TENT4A: variants seen among roughly 807,000 people sequenced by gnomAD.
TENT4A encodes DNA polymerase kappa.
A neutral mutation model predicts 72.8 loss-of-function variants in TENT4A; 7 were observed. The observed-to-expected ratio is 0.10, with a 90% CI of 0.05 to 0.18. The LOEUF is 0.18. Ranked by LOEUF, TENT4A falls within the 10% of genes least tolerant of loss-of-function variation. The probability of loss-of-function intolerance (pLI) is 1.00; values close to 1 mark genes in which losing one functional copy is unlikely to be tolerated. For synonymous variants in TENT4A, 456 were observed against 434.3 expected, an observed-to-expected ratio of 1.05 and a Z score of -0.62; for missense variants, 831 against 1,017.7, an observed-to-expected ratio of 0.82 and a Z score of 2.50.
intron 4 of TENT4A, among the ~76,000 whole-genome samples, chr5:6,741,750 G>A (rs1018802253): frequency 8.5e-5 from 13 of 152,186 alleles, no homozygotes; most frequent in African/African-American, 2.2e-4. Flanking sequence ...CTGTCCCTAC[G>A]TTGCCTATCA....
intron 4 of TENT4A, among the ~76,000 whole-genome samples, chr5:6,742,061 G>C (rs1007817215): frequency 1.3e-5 from 2 of 152,190 alleles, no homozygotes; most frequent in Non-Finnish European, 2.9e-5. Flanking sequence ...ACCCAAAGTA[G>C]AGAAACAATA....
intron 1 of TENT4A, among the ~76,000 whole-genome samples, chr5:6,718,274 T>C (rs1740481117): frequency 6.6e-6 from 1 of 152,232 alleles, no homozygotes; most frequent in Non-Finnish European, 1.5e-5. Context: ...TTTTCTCAAT[T>C]CTTTCTTGCG....
intron 1 of TENT4A, among the ~76,000 whole-genome samples, chr5:6,715,823 A>G (rs755907907): frequency 6.6e-6 from 1 of 152,222 alleles, no homozygotes; most frequent in Non-Finnish European, 1.5e-5. Flanking sequence ...TTGGGCTACA[A>G]GCGATACCTT....
At chr5:6,727,521 T>C (rs879932698) in intron 1 of TENT4A, among the ~76,000 whole-genome samples, 1 of 152,200 alleles carries the variant, frequency 6.6e-6, no homozygotes, top group Non-Finnish European at 1.5e-5. Context: ...GCTTGGGCTG[T>C]GCTGGTGCCT....
In TENT4A at chr5:6,751,160, C is replaced by A; in HGVS notation, c.1982C>A (p.Thr661Asn). ...ATGCCCAGTGGCAAACCTCAGCCCACCACTTCCAGAACACTGATCATGACA... is the reference window on the plus strand; with the variant it reads ...ATGCCCAGTGGCAAACCTCAGCCCAACACTTCCAGAACACTGATCATGACA... ...LPMPSGKPQP[T>N]TSRTLIMTTN... Residue 661 changes from threonine (T) to asparagine (N), a missense_variant, in exon 11 of 13, where the codon ACC (threonine) becomes AAC (asparagine). Around this residue, in one of 3 missense-constraint regions of TENT4A, gnomAD observed 332 missense variants for 324.3 expected, o/e 1.02. Transcript: ENST00000230859. 1 of 1,614,236 alleles carries A rather than the reference C, an allele frequency of 6.2e-7. No individual in the cohort carries two copies. Among genetic ancestry groups the A allele is most frequent in the Non-Finnish European group, 8.5e-7 (1 of 1,180,056 alleles).
chr5:6,748,534 G>T lies in TENT4A; in HGVS notation c.1530G>T (p.Val510=). ...AGGTCTTCGATTATGCCTACATAGT[G>T]CTCAGCCATGCTGTGTCACCGCTGG... ...VKQVFDYAYI[V]LSHAVSPLAR... The change falls in exon 8 of 13, where the codon GTG becomes GTT. Residue 510 remains valine (V), a synonymous_variant. Coordinates refer to ENST00000230859, the MANE Select transcript of TENT4A (RefSeq NM_006999.6). The T allele has an allele frequency of 6.2e-7, 1 of 1,614,054 alleles. No individual in the cohort carries two copies. The highest frequency in any genetic ancestry group is 8.5e-7 in the Non-Finnish European group (1 of 1,179,956).
At chr5:6,753,753 A>G (rs1742541547) in intron 12 of TENT4A, among the ~76,000 whole-genome samples, 1 of 152,202 alleles carries the variant, frequency 6.6e-6, no homozygotes, top group South Asian at 2.1e-4. Context: ...CTATTTTGCC[A>G]GTAAGTTTTT....
intron 1 of TENT4A, among the ~76,000 whole-genome samples, chr5:6,726,453 G>A (rs1451988783): frequency 6.6e-6 from 1 of 152,118 alleles, no homozygotes; most frequent in Non-Finnish European, 1.5e-5. Flanking sequence ...GTTGCCTCTG[G>A]TCAGCTCAGT....
chr5:6,754,987 T>C lies in TENT4A; in HGVS notation c.*42T>C. On this transcript the variant is annotated 3_prime_UTR_variant, in exon 13 of 13. Coordinates refer to ENST00000230859, the MANE Select transcript of TENT4A (RefSeq NM_006999.6). ...CAGCCTCCCCCACCCCTCTGCAGAC[T>C]GCCCCGCGGCCTCGGCCACCGGCAG... 6.7e-7 allele frequency: 1 copy of C among 1,493,048 alleles called. No individual in the cohort carries two copies. Among genetic ancestry groups the C allele is most frequent in the Non-Finnish European group, 9.0e-7 (1 of 1,112,364 alleles). 92.5% of individuals were successfully genotyped at this position (1,493,048 alleles called of 1,614,324 possible).
chr5:6,732,199 C>G (rs1741249831), intron 1 of TENT4A, among the ~76,000 whole-genome samples: 1 of 152,226 alleles, frequency 6.6e-6, no homozygotes, highest in Non-Finnish European at 1.5e-5. Flanking sequence ...TGAGGCAGTG[C>G]ACGGGTGGGC....
chr5:6,736,070 TTTAAA>T (rs1432572804), intron 1 of TENT4A, among the ~76,000 whole-genome samples: 1 of 152,224 alleles, frequency 6.6e-6, no homozygotes, highest in African/African-American at 2.4e-5. Context: ...CACATATTTT[TTTAAA>T]TTAAATGTGA....
Position 6,755,258 on chromosome 5 carries a change from G to A in TENT4A, c.*313G>A, listed in dbSNP as rs955021173. On this transcript the variant is annotated 3_prime_UTR_variant, in exon 13 of 13. Transcript: ENST00000230859. ...CATGCGCTTGCGGTTTGAGGTAGCC[G>A]TGTCTGTTCCTTCGCGGTTTGCTAT... The A allele has an allele frequency of 1.5e-5, 4 of 261,376 alleles. No individual in the cohort carries two copies. Among genetic ancestry groups the A allele is most frequent in the Middle Eastern group, 1.1e-3 (1 of 906 alleles). The allele number at this position is 261,376 out of a possible 1,614,324, so 16.2% of individuals were successfully genotyped here. A position where few individuals can be genotyped will look rare whatever the true frequency, so the allele number is the denominator to read the frequency against.
chr5:6,720,824 A>G (rs1402761855), intron 1 of TENT4A, among the ~76,000 whole-genome samples: 1 of 152,184 alleles, frequency 6.6e-6, no homozygotes, highest in Non-Finnish European at 1.5e-5. Context: ...GGTCTTTCCT[A>G]TGCAGGTGGG....
intron 1 of TENT4A, among the ~76,000 whole-genome samples, chr5:6,715,339 C>T (rs148789102): frequency 2.4e-4 from 36 of 152,266 alleles, no homozygotes; most frequent in African/African-American, 6.3e-4. Flanking sequence ...AATATTTCTA[C>T]ATCCGCCTAG....
At chr5:6,735,235 G>A (rs1325243114) in intron 1 of TENT4A, among the ~76,000 whole-genome samples, 1 of 152,194 alleles carries the variant, frequency 6.6e-6, no homozygotes, top group Non-Finnish European at 1.5e-5. Flanking sequence ...ATAATTCCAA[G>A]CCTGCATCTT....
intron 1 of TENT4A, among the ~76,000 whole-genome samples, chr5:6,721,892 G>A (rs1740669950): frequency 6.6e-6 from 1 of 152,232 alleles, no homozygotes; most frequent in African/African-American, 2.4e-5. Flanking sequence ...TAGGATGTGG[G>A]TGTTAGGTGA....
intron 11 of TENT4A, among the ~76,000 whole-genome samples, chr5:6,752,151 G>A (rs946503007): frequency 2.0e-5 from 3 of 152,244 alleles, no homozygotes; most frequent in African/African-American, 7.2e-5. Flanking sequence ...GTGTCACAAA[G>A]GTGTTTGTTT....
intron 10 of TENT4A, chr5:6,750,711 T>G (rs1259643479): frequency 1.8e-6 from 1 of 562,094 alleles, no homozygotes; most frequent in Non-Finnish European, 3.1e-6. Flanking sequence ...TCTGTGCGAC[T>G]CATGCGGCTG....
chr5:6,750,877 G>T, intron 10 of TENT4A, 162 bp from the exon 11 acceptor site: 2 of 650,806 alleles, frequency 3.1e-6, no homozygotes, highest in African/African-American at 1.8e-5. Flanking sequence ...TTACTTGAAG[G>T]AAGCCTGGGT....
Sources: gnomAD v4.1 joint callset for allele counts (sites outside exome capture counted in the v4.1 genomes callset) on GRCh38, gnomAD v4.1.1 for gene constraint, gnomAD v4.1.1 regional missense constraint, MANE v1.5 for transcripts, NCBI Gene and HGNC (gene_info 2026-07-23, HGNC 2026-07-21) for gene names.